Variants in LYN observed in about 807,000 individuals in gnomAD.
LYN encodes LYN proto-oncogene, Src family tyrosine kinase, also known as tyrosine-protein kinase Lyn.
LYN carries 12 observed loss-of-function variants against 65.0 expected under a neutral mutation model. The observed-to-expected ratio is 0.18, with a 90% CI of 0.12 to 0.30. The LOEUF is 0.30. LYN is among the 10% of genes least tolerant of loss of function. LYN has a pLI of 1.00. For missense variants in LYN, 380 were observed against 623.2 expected, an observed-to-expected ratio of 0.61 and a Z score of 4.16; for synonymous variants, 222 against 221.2, an observed-to-expected ratio of 1.00 and a Z score of -0.03.
rs1009901317 is a variant in LYN, at chr8:55,879,955, C to G, written c.-154C>G. ...CGGGGCGGCCGCGCCACCCCCGGCCCCGCGCCAGCAGCCCCTCGCCGCGCG... is the reference window on the plus strand; with the variant it reads ...CGGGGCGGCCGCGCCACCCCCGGCCGCGCGCCAGCAGCCCCTCGCCGCGCG... On this transcript the variant is annotated 5_prime_UTR_variant, in exon 1 of 13. Coordinates refer to ENST00000519728, the MANE Select transcript of LYN (RefSeq NM_002350.4). 4.2e-4 allele frequency: 95 copies of G among 226,818 alleles called. No individual in the cohort carries two copies. Among genetic ancestry groups the G allele is most frequent in the African/African-American group, 2.2e-3 (92 of 42,414 alleles). The allele number at this position is 226,818 out of a possible 1,614,324, so 14.1% of individuals were successfully genotyped here.
chr8:55,924,765 T>C (rs1806054247), intron 1 of LYN, among the ~76,000 whole-genome samples: 1 of 152,180 alleles, frequency 6.6e-6, no homozygotes, highest in Admixed American at 6.5e-5. Flanking sequence ...ACTCTCCAGT[T>C]CACTTCTAGT....
At chr8:55,886,749 A>G (rs924736006) in intron 1 of LYN, among the ~76,000 whole-genome samples, 3 of 152,208 alleles carry the variant, frequency 2.0e-5, no homozygotes, top group Non-Finnish European at 4.4e-5. Context: ...GTTTGTTCTG[A>G]TGCATAATAG....
At position 56,006,904 on chromosome 8, in the gene LYN, G is replaced by A. The variant is rs75868327; in HGVS notation, c.1337-3004G>A. Among the ~76,000 whole-genome samples, 666 of 152,188 alleles carry A rather than the reference G, an allele frequency of 4.4e-3. 6 individuals carry two copies. Among genetic ancestry groups the A allele is most frequent in the East Asian group, 0.024 (126 of 5,190 alleles). ...TTCACAAGACTTGTCATTTAATAGC[G>A]GATTTTATTTATTGCTTTCCTTGTA... is the stretch of plus-strand genomic sequence containing the variant. On this transcript the variant is annotated intron_variant, in intron 12 of 12. Transcript: ENST00000519728.
At chr8:55,935,865 G>A (rs1168222171) in intron 1 of LYN, among the ~76,000 whole-genome samples, 1 of 151,906 alleles carries the variant, frequency 6.6e-6, no homozygotes, top group Non-Finnish European at 1.5e-5. Context: ...GTTGGTGGTG[G>A]AGCTTAGTGC....
chr8:55,954,512 G>A (rs1807045499), intron 8 of LYN, among the ~76,000 whole-genome samples: 1 of 152,108 alleles, frequency 6.6e-6, no homozygotes, highest in African/African-American at 2.4e-5. Context: ...CTTTTTCCAG[G>A]GGATTCTTTT....
intron 10 of LYN, among the ~76,000 whole-genome samples, chr8:55,985,537 GT>G (rs2130560444): frequency 6.6e-6 from 1 of 152,340 alleles, no homozygotes; most frequent in African/African-American, 2.4e-5. Context: ...GTCAGGGATT[GT>G]TTTCGGAGCC....
intron 1 of LYN, among the ~76,000 whole-genome samples, chr8:55,914,126 CAG>C (rs1805718948): frequency 6.6e-6 from 1 of 151,212 alleles, no homozygotes; most frequent in South Asian, 2.1e-4. Flanking sequence ...GCACGTATGA[CAG>C]AGAGAGAAAG....
chr8:56,003,668 T>C (rs1808593898), intron 12 of LYN, among the ~76,000 whole-genome samples: 1 of 148,490 alleles, frequency 6.7e-6, no homozygotes, highest in African/African-American at 2.5e-5. Context: ...AGCGAGACTC[T>C]GTCTCAAAAA....
intron 1 of LYN, among the ~76,000 whole-genome samples, chr8:55,886,479 C>T (rs974279900): frequency 1.3e-5 from 2 of 152,100 alleles, no homozygotes; most frequent in African/African-American, 4.8e-5. Context: ...AACACCTGAC[C>T]TCAGGTGATC....
chr8:55,922,161 C>T (rs957476612), intron 1 of LYN, among the ~76,000 whole-genome samples: 1 of 152,166 alleles, frequency 6.6e-6, no homozygotes, highest in Non-Finnish European at 1.5e-5. Flanking sequence ...AAACACAGCT[C>T]GCTACAGCCT....
chr8:55,926,402 A>C (rs1407820302), intron 1 of LYN, among the ~76,000 whole-genome samples: 1 of 152,230 alleles, frequency 6.6e-6, no homozygotes, highest in Non-Finnish European at 1.5e-5. Flanking sequence ...TCAGAGCTAC[A>C]TTATCAGATG....
At chr8:55,984,690 G>T (rs1049448510) in intron 10 of LYN, among the ~76,000 whole-genome samples, 1 of 152,230 alleles carries the variant, frequency 6.6e-6, no homozygotes, top group Admixed American at 6.5e-5. Context: ...CCCCAGCCCA[G>T]TGGTCACACA....
intron 1 of LYN, among the ~76,000 whole-genome samples, chr8:55,917,730 C>G (rs894642308): frequency 2.0e-5 from 3 of 152,100 alleles, no homozygotes; most frequent in Admixed American, 1.3e-4. Flanking sequence ...ATCCCAGATT[C>G]AAAGATTTAT....
At chr8:55,885,539 C>T (rs922775758) in intron 1 of LYN, among the ~76,000 whole-genome samples, 3 of 152,142 alleles carry the variant, frequency 2.0e-5, no homozygotes, top group African/African-American at 7.2e-5. Context: ...TGGGCCTACC[C>T]TTGGGCGCTG....
At chr8:55,942,397 ATATATGTG>A (rs1806646759) in intron 2 of LYN, among the ~76,000 whole-genome samples, 5 of 145,560 alleles carry the variant, frequency 3.4e-5, no homozygotes, top group African/African-American at 7.8e-5. Flanking sequence ...ATATATGTGT[ATATATGTG>A]TATATATATG....
chr8:55,969,654 AT>A, intron 9 of LYN, 62 bp from the exon 10 acceptor site: 1 of 1,234,262 alleles, frequency 8.1e-7, no homozygotes, highest in Non-Finnish European at 1.2e-6. Flanking sequence ...GATGATGTGA[AT>A]TTTGTTTGGA....
At chr8:55,922,459 G>C (rs1264469421) in intron 1 of LYN, among the ~76,000 whole-genome samples, 1 of 151,872 alleles carries the variant, frequency 6.6e-6, no homozygotes, top group African/African-American at 2.4e-5. Context: ...GTAAATAATA[G>C]GTAGAAGACA....
chr8:55,946,686 G>T (rs141750227), intron 3 of LYN, among the ~76,000 whole-genome samples, 193 bp downstream of exon 3: 2 of 151,722 alleles, frequency 1.3e-5, no homozygotes, highest in Non-Finnish European at 2.9e-5. Context: ...AACCAATACC[G>T]CCCTCCATCT....
chr8:55,905,352 A>G (rs1206303647), intron 1 of LYN, among the ~76,000 whole-genome samples: 6 of 152,162 alleles, frequency 3.9e-5, no homozygotes, highest in Non-Finnish European at 7.3e-5. Flanking sequence ...TGGAGATTGC[A>G]GTGAGCCGAT....
Sources: gnomAD v4.1 joint callset for allele counts (sites outside exome capture counted in the v4.1 genomes callset) on GRCh38, gnomAD v4.1.1 for gene constraint, MANE v1.5 for transcripts, NCBI Gene and HGNC (gene_info 2026-07-23, HGNC 2026-07-21) for gene names.